The following RANBP3L variants were observed in gnomAD, a reference collection of about 807,000 sequenced individuals.
RANBP3L encodes RAN binding protein 3 like, also known as ran-binding protein 3-like.
RANBP3L carries 56 observed loss-of-function variants against 67.2 expected under a neutral mutation model. The observed-to-expected ratio is 0.83, with a 90% confidence interval of 0.67 to 1.04. The LOEUF is 1.04. Ranked by LOEUF, RANBP3L falls within the 50% of genes least tolerant of loss-of-function variation. The pLI is 0.00. For missense variants in RANBP3L, 496 were observed against 535.5 expected, an observed-to-expected ratio of 0.93 and a Z score of 0.73; for synonymous variants, 164 against 181.4, an observed-to-expected ratio of 0.90 and a Z score of 0.77.
At chr5:36,265,377 A>G (rs1342465112) in intron 5 of RANBP3L, 72 bp downstream of exon 5, 8 of 951,498 alleles carry the variant, frequency 8.4e-6, no homozygotes, top group Non-Finnish European at 1.3e-5. Flanking sequence ...ACACACGCAC[A>G]CATATAGGGA....
intron 5 of RANBP3L, 47 bp from the exon 6 acceptor site, chr5:36,265,145 T>G: frequency 8.6e-7 from 1 of 1,163,000 alleles, no homozygotes; most frequent in East Asian, 2.6e-5. Context: ...ACTGAAATAT[T>G]CCTTTACTCC....
At chr5:36,264,448 T>C (rs552513265) in intron 6 of RANBP3L, among the ~76,000 whole-genome samples, 4 of 152,306 alleles carry the variant, frequency 2.6e-5, no homozygotes, top group Non-Finnish European at 4.4e-5. Context: ...AGACACTACA[T>C]AGTTGGAAGT....
At chr5:36,278,329 C>T (rs1750741762) in intron 1 of RANBP3L, among the ~76,000 whole-genome samples, 1 of 151,968 alleles carries the variant, frequency 6.6e-6, no homozygotes, top group Non-Finnish European at 1.5e-5. Context: ...ATCCTTGCTC[C>T]TCAAAGTGTG....
chr5:36,274,955 G>A (rs1750473501), intron 1 of RANBP3L, among the ~76,000 whole-genome samples: 1 of 152,084 alleles, frequency 6.6e-6, no homozygotes, highest in African/African-American at 2.4e-5. Flanking sequence ...GAAAGAAAAT[G>A]AGGGGATTAG....
At chr5:36,283,125 T>C (rs1751083377) in intron 1 of RANBP3L, among the ~76,000 whole-genome samples, 1 of 152,178 alleles carries the variant, frequency 6.6e-6, no homozygotes, top group Non-Finnish European at 1.5e-5. Flanking sequence ...GCTAGCTCAG[T>C]TGGCTCACTA....
In RANBP3L at chr5:36,265,103, A is replaced by G; in HGVS notation, c.341-5T>C. 1 of 1,561,296 alleles carries G rather than the reference A, an allele frequency of 6.4e-7. No individual in the cohort carries two copies. The highest frequency in any genetic ancestry group is 8.8e-7 in the Non-Finnish European group (1 of 1,139,522). On this transcript the variant is annotated splice_region_variant and splice_polypyrimidine_tract_variant and intron_variant, in intron 5 of 13. Coordinates refer to ENST00000296604, the MANE Select transcript of RANBP3L (RefSeq NM_145000.5). ...GTTTAGAATGTTTCACAGGACCTTA[A>G]AAGAATAGAATTAAAGGATAAATAT...
chr5:36,258,660 A>C (rs1417718608), intron 8 of RANBP3L, among the ~76,000 whole-genome samples: 1 of 152,194 alleles, frequency 6.6e-6, no homozygotes, highest in Non-Finnish European at 1.5e-5. Flanking sequence ...TCCTTTAAGC[A>C]TTTAAAATGC....
intron 1 of RANBP3L, among the ~76,000 whole-genome samples, chr5:36,285,890 G>T (rs1161630599): frequency 6.6e-6 from 1 of 152,164 alleles, no homozygotes; most frequent in Admixed American, 6.5e-5. Context: ...AAGGACACTT[G>T]CTAGTCTTAC....
intron 8 of RANBP3L, among the ~76,000 whole-genome samples, chr5:36,258,027 C>A (rs184731084): frequency 2.0e-5 from 3 of 151,770 alleles, no homozygotes; most frequent in Admixed American, 1.3e-4. Context: ...AAACATATAC[C>A]AAGGTATTTC....
At chr5:36,276,130 A>C (rs1421332225) in intron 1 of RANBP3L, among the ~76,000 whole-genome samples, 1 of 152,170 alleles carries the variant, frequency 6.6e-6, no homozygotes, top group African/African-American at 2.4e-5. Context: ...GTGGAAATAA[A>C]GGTATAAGTA....
At chr5:36,251,283 C>T in intron 13 of RANBP3L, 30 bp downstream of exon 13, 2 of 1,581,256 alleles carry the variant, frequency 1.3e-6, no homozygotes, top group Non-Finnish European at 1.7e-6. Flanking sequence ...TTTTTTAAAC[C>T]TCTGAACTAA....
At chr5:36,264,674 G>C (rs1165896814) in intron 6 of RANBP3L, among the ~76,000 whole-genome samples, 1 of 152,086 alleles carries the variant, frequency 6.6e-6, no homozygotes, top group Non-Finnish European at 1.5e-5. Context: ...CTCCCTCATT[G>C]CTGTCCCCAT....
intron 6 of RANBP3L, among the ~76,000 whole-genome samples, chr5:36,262,449 A>G (rs2362979): frequency 0.32 from 48,567 of 152,094 alleles, 9,012 homozygotes; most frequent in South Asian, 0.48. Context: ...GAATGTCACC[A>G]TCCTAGTCAC....
Position 36,253,660 on chromosome 5 carries a change from A to C in RANBP3L, c.1154T>G (p.Ile385Arg). ...ATDLEDYSIK[I>R]FLIQASAQDT... ...TTTCTCCCTTACCTGAATTAAAAAT[A>C]TTTTGATGCTATAGTCTTCTAAATC... is the stretch of plus-strand genomic sequence containing the variant. Residue 385 changes from isoleucine (I) to arginine (R), a missense_variant, in exon 12 of 14, where the codon ATA becomes AGA. Coordinates refer to ENST00000296604, the MANE Select transcript of RANBP3L (RefSeq NM_145000.5). 1 of 1,605,430 alleles carries C rather than the reference A, an allele frequency of 6.2e-7. No homozygotes were observed. The highest frequency in any genetic ancestry group is 8.5e-7 in the Non-Finnish European group (1 of 1,172,588).
chr5:36,282,210 G>A (rs970236507), intron 1 of RANBP3L, among the ~76,000 whole-genome samples: 23 of 152,190 alleles, frequency 1.5e-4, no homozygotes. Context: ...TCTCTGCTTC[G>A]CTGAGGGAGT....
chr5:36,264,058 T>G (rs1185219692), intron 6 of RANBP3L, among the ~76,000 whole-genome samples: 3 of 152,252 alleles, frequency 2.0e-5, no homozygotes, highest in Non-Finnish European at 4.4e-5. Context: ...TGGAAAGTGC[T>G]GATCAAGTTC....
intron 8 of RANBP3L, among the ~76,000 whole-genome samples, chr5:36,260,179 C>A (rs1032386821): frequency 6.9e-6 from 1 of 144,962 alleles, no homozygotes; most frequent in Admixed American, 7.1e-5. Flanking sequence ...CAGTGAAACC[C>A]CATCTCTACT....
chr5:36,251,368 GCAGTT>G lies in RANBP3L; in HGVS notation c.1294_1298del (p.Asn432ArgfsTer4). 5.0e-6 allele frequency: 8 copies of G among 1,613,122 alleles called. No homozygotes were observed. In the South Asian group the frequency reaches 8.8e-5, roughly 18 times the overall value. ...CATCCTCATTCTCATCACAGCTTTC[GCAGTT>G]CAATTGTTGGGCTGTTTCTGACAGG... On this transcript the variant is annotated frameshift_variant, in exon 13 of 14. Transcript: ENST00000296604. LOFTEE classifies it high-confidence loss of function.
Position 36,257,054 on chromosome 5 carries a change from T to C in RANBP3L, c.790A>G (p.Asn264Asp). 1 of 1,612,240 alleles carries C rather than the reference T, an allele frequency of 6.2e-7. No homozygotes were observed. The highest frequency in any genetic ancestry group is 1.3e-5 in the African/African-American group (1 of 74,958). The stretch of plus-strand genomic sequence containing the variant: ...GCAGCTGATTCAATTAGGGAAGTAT[T>C]TTTAATAGAGTCTGTTCCTAAGAGA... Reference protein sequence around the residue: ...FLSSRTDSIKNTSLIESAAAF... With the variant: ...FLSSRTDSIKDTSLIESAAAF... Residue 264 changes from asparagine to aspartate, a missense_variant, in exon 10 of 14, where the codon AAT becomes GAT. Physicochemically the swap from Asn to Asp is conservative, Grantham distance 23 (BLOSUM62 1). Coordinates refer to ENST00000296604, the MANE Select transcript of RANBP3L (RefSeq NM_145000.5).
Sources: allele counts gnomAD v4.1 joint callset (sites outside exome capture counted in the v4.1 genomes callset), GRCh38; gene constraint gnomAD v4.1.1; transcripts MANE v1.5; gene names NCBI Gene and HGNC (gene_info 2026-07-23, HGNC 2026-07-21).